FOXP2: variants seen among roughly 807,000 people sequenced by gnomAD.
The protein encoded by FOXP2 is forkhead box P2, also known as forkhead box protein P2.
In FOXP2, 12 loss-of-function variants were observed where a neutral mutation model predicts 115.8. The ratio of observed to expected loss-of-function variants is 0.10; its 90% CI spans 0.07 to 0.17. The LOEUF is 0.17. Among genes scored for constraint, FOXP2 ranks in the 10% least tolerant of loss-of-function variants. The probability of loss-of-function intolerance (pLI) is 1.00; values close to 1 mark genes in which losing one functional copy is unlikely to be tolerated. For synonymous variants in FOXP2, 328 were observed against 297.7 expected (o/e 1.10, Z -1.05); for missense variants, 629 against 843.5 (o/e 0.75, Z 3.15).
intron 3 of FOXP2, among the ~76,000 whole-genome samples, chr7:114,579,462 C>T (rs1273782304): frequency 1.3e-5 from 2 of 152,142 alleles, no homozygotes; most frequent in Non-Finnish European, 2.9e-5. Flanking sequence ...TTAATTAGCA[C>T]ATACAGTTTT....
rs937740184 is a variant in FOXP2, at chr7:114,299,572, A to C, written c.-11+11463A>C. On this transcript the variant is annotated intron_variant, in intron 2 of 17. Coordinates refer to the FOXP2 transcript ENST00000634411. ...TATAAATAAATAAATTTAGTGTTTAATTTATTAAACATGAAGCCCTTTCTA... is the reference window on the plus strand; with the variant it reads ...TATAAATAAATAAATTTAGTGTTTACTTTATTAAACATGAAGCCCTTTCTA... 2.6e-5 allele frequency among the ~76,000 whole-genome samples: 4 copies of C among 151,934 alleles called. No homozygotes were observed. In the East Asian group the frequency reaches 7.7e-4, roughly 29 times the overall value.
At chr7:114,592,977 T>G (rs910606429) in intron 3 of FOXP2, among the ~76,000 whole-genome samples, 14 of 152,020 alleles carry the variant, frequency 9.2e-5, no homozygotes, top group Admixed American at 2.0e-4. Context: ...TTTTGTTCAC[T>G]TGGTTTTCAG....
chr7:114,222,988 A>G (rs1794661035), intron 1 of FOXP2, among the ~76,000 whole-genome samples: 1 of 152,130 alleles, frequency 6.6e-6, no homozygotes, highest in Admixed American at 6.6e-5. Context: ...TTATCCCACA[A>G]TTTACTTATC....
chr7:114,616,984 G>A (rs956486855), intron 3 of FOXP2, among the ~76,000 whole-genome samples: 1 of 152,200 alleles, frequency 6.6e-6, no homozygotes, highest in African/African-American at 2.4e-5. Context: ...TACTTGGGAG[G>A]CTGATGCAGG....
chr7:114,242,698 A>C (rs1346387103), intron 1 of FOXP2, among the ~76,000 whole-genome samples: 1 of 152,188 alleles, frequency 6.6e-6, no homozygotes, highest in Non-Finnish European at 1.5e-5. Context: ...TTCTCTCTAG[A>C]AAGAAATATG....
At chr7:114,416,832 ACG>A (rs1793369604) in intron 1 of FOXP2, among the ~76,000 whole-genome samples, 1 of 151,956 alleles carries the variant, frequency 6.6e-6, no homozygotes, top group African/African-American at 2.4e-5. Context: ...AACAGAGATT[ACG>A]GTATTGAAGG....
At chr7:114,404,147 G>A (rs1184467828) in intron 2 of FOXP2, among the ~76,000 whole-genome samples, 1 of 152,002 alleles carries the variant, frequency 6.6e-6, no homozygotes, top group African/African-American at 2.4e-5. Flanking sequence ...TGGGGGAGAG[G>A]AATAATGAGT....
At position 114,580,199 on chromosome 7, in the gene FOXP2, A is replaced by G. The variant is rs146531719; in HGVS notation, c.258+45493A>G. ...GGAATGACAAAAAATATTGGAGTCTATGTGTCCAATTAGAGTGTGTTATCA... is the reference window on the plus strand; with the variant it reads ...GGAATGACAAAAAATATTGGAGTCTGTGTGTCCAATTAGAGTGTGTTATCA... On this transcript the variant is annotated intron_variant, in intron 3 of 16. Transcript: ENST00000350908. Among the ~76,000 whole-genome samples, 1,006 of 152,340 alleles carry G rather than the reference A, an allele frequency of 6.6e-3. 10 individuals are homozygous for G. The highest frequency in any genetic ancestry group is 0.023 in the African/African-American group (951 of 41,574).
chr7:114,406,987 G>C (rs1793052050), intron 2 of FOXP2, among the ~76,000 whole-genome samples: 1 of 151,930 alleles, frequency 6.6e-6, no homozygotes, highest in East Asian at 1.9e-4. Context: ...CTTGAACAGA[G>C]AGAAGAAGGG....
chr7:114,542,934 G>T (rs888992386), intron 3 of FOXP2, among the ~76,000 whole-genome samples: 23 of 151,764 alleles, frequency 1.5e-4, no homozygotes, highest in African/African-American at 5.1e-4. Flanking sequence ...GGGGTCACGG[G>T]CATGCACCAC....
chr7:114,620,462 C>T (rs1804187748), intron 3 of FOXP2, among the ~76,000 whole-genome samples: 1 of 152,004 alleles, frequency 6.6e-6, no homozygotes, highest in Non-Finnish European at 1.5e-5. Context: ...TAATTTACTG[C>T]ATGTCATGCT....
At chr7:114,443,555 T>G (rs1354092192) in intron 2 of FOXP2, among the ~76,000 whole-genome samples, 1 of 152,148 alleles carries the variant, frequency 6.6e-6, no homozygotes, top group Non-Finnish European at 1.5e-5. Flanking sequence ...TATAGATAGT[T>G]TTTTAGTTCT....
At chr7:114,271,922 AATT>A (rs1352581873) in intron 1 of FOXP2, among the ~76,000 whole-genome samples, 43 of 129,476 alleles carry the variant, frequency 3.3e-4, no homozygotes, top group Non-Finnish European at 6.1e-4. Context: ...ATTATAATAT[AATT>A]ATTATAATAT....
chr7:114,541,177 T>A (rs1467633309), intron 3 of FOXP2, among the ~76,000 whole-genome samples: 1 of 152,056 alleles, frequency 6.6e-6, no homozygotes, highest in African/African-American at 2.4e-5. Flanking sequence ...AATAGCTAGC[T>A]TTTAGCAAAT....
intron 1 of FOXP2, among the ~76,000 whole-genome samples, chr7:114,185,751 T>C (rs1261780090): frequency 6.6e-6 from 1 of 152,244 alleles, no homozygotes; most frequent in Non-Finnish European, 1.5e-5. Context: ...CAAAGGTTCC[T>C]GATAAAAATG....
At position 114,693,054 on chromosome 7, in the gene FOXP2, G is replaced by A. The variant is rs997353282; in HGVS notation, c.*3128G>A. 8.8e-6 allele frequency: 4 copies of A among 453,834 alleles called. No homozygotes were observed. The highest frequency in any genetic ancestry group is 1.3e-5 in the Non-Finnish European group (3 of 226,644). The allele number at this position is 453,834 out of a possible 1,614,324, so 28.1% of individuals were successfully genotyped here. A position where few individuals can be genotyped will look rare whatever the true frequency, so the allele number is the denominator to read the frequency against. ...GAGTTATCAGATTTTATTTTACATA[G>A]TTTTAGTCTACAAAGACACAATTGC... On this transcript the variant is annotated 3_prime_UTR_variant, in exon 17 of 17. Transcript: ENST00000350908.
chr7:114,658,944 G>A (rs1806730023), intron 11 of FOXP2, among the ~76,000 whole-genome samples: 1 of 152,292 alleles, frequency 6.6e-6, no homozygotes, highest in Non-Finnish European at 1.5e-5. Context: ...GGTGCTTGGT[G>A]AGGGTTTTGT....
intron 3 of FOXP2, among the ~76,000 whole-genome samples, chr7:114,549,351 A>C (rs1230485834): frequency 6.6e-6 from 1 of 151,460 alleles, no homozygotes; most frequent in African/African-American, 2.4e-5. Context: ...TTTTTCCCCC[A>C]CTCTTTTCAG....
At chr7:114,117,573 C>T (rs1452797175) in intron 1 of FOXP2, among the ~76,000 whole-genome samples, 1 of 151,984 alleles carries the variant, frequency 6.6e-6, no homozygotes, top group Non-Finnish European at 1.5e-5. Context: ...TTATTTATTA[C>T]CATTGAGAGG....
Sources: allele counts gnomAD v4.1 joint callset (sites outside exome capture counted in the v4.1 genomes callset), GRCh38; gene constraint gnomAD v4.1.1; transcripts MANE v1.5; gene names NCBI Gene and HGNC (gene_info 2026-07-23, HGNC 2026-07-21).